The following EMC3 variants were observed in gnomAD, a reference collection of about 807,000 sequenced individuals.
The protein encoded by EMC3 is ER membrane protein complex subunit 3.
EMC3 carries 13 observed loss-of-function variants against 36.6 expected under a neutral mutation model. The observed-to-expected ratio is 0.35, with a 90% CI of 0.23 to 0.56. The LOEUF (loss-of-function observed/expected upper bound fraction) is 0.56, where lower values mean the gene tolerates loss of function less well. Among genes scored for constraint, EMC3 ranks in the 20% least tolerant of loss-of-function variants. EMC3 has a pLI of 0.84. For missense variants in EMC3, 220 were observed against 324.5 expected, an observed-to-expected ratio of 0.68 and a Z score of 2.47; for synonymous variants, 120 against 111.9, an observed-to-expected ratio of 1.07 and a Z score of -0.46.
intron 1 of EMC3, among the ~76,000 whole-genome samples, chr3:10,000,161 C>G (rs984134428): frequency 5.3e-5 from 8 of 152,116 alleles, no homozygotes; most frequent in African/African-American, 1.9e-4. Context: ...CTCTCAGCCT[C>G]CCAAGTAGCT....
upstream of EMC3, chr3:9,986,878 C>T (rs1191589429): frequency 7.4e-7 from 1 of 1,357,624 alleles, no homozygotes; most frequent in Non-Finnish European, 9.5e-7. Flanking sequence ...TGGCGCACCT[C>T]AGTGGCGTCA....
At chr3:9,987,301 C>T (rs2085988249), upstream of EMC3, 6 of 985,148 alleles carry the variant, frequency 6.1e-6, no homozygotes, top group Non-Finnish European at 7.2e-6. Context: ...TCTCTCGAGG[C>T]CCCGCTCCCC....
chr3:10,005,763 A>G (rs2124941966), intron 1 of EMC3, among the ~76,000 whole-genome samples: 1 of 152,326 alleles, frequency 6.6e-6, no homozygotes, highest in East Asian at 1.9e-4. Flanking sequence ...TTTCAGGCCA[A>G]GAACATCTCT....
intron 3 of EMC3, among the ~76,000 whole-genome samples, chr3:9,976,671 C>T (rs147699675): frequency 2.0e-5 from 3 of 152,272 alleles, no homozygotes; most frequent in Admixed American, 6.5e-5. Context: ...GTCCTGAGAA[C>T]AGCAATAAGG....
intron 1 of EMC3, chr3:9,981,747 T>C (rs1309127536): frequency 6.8e-6 from 3 of 444,102 alleles, no homozygotes; most frequent in Admixed American, 4.9e-5. Flanking sequence ...AAAGATATTT[T>C]CTTGGAATAA....
intron 5 of EMC3, among the ~76,000 whole-genome samples, chr3:9,970,946 G>A (rs528500516): frequency 2.0e-5 from 3 of 148,968 alleles, no homozygotes; most frequent in South Asian, 2.1e-4. Context: ...TTTTTGAGAC[G>A]GAGTCTCACC....
chr3:9,965,439 T>TAGAC (rs1266368913), intron 7 of EMC3, among the ~76,000 whole-genome samples: 2 of 151,906 alleles, frequency 1.3e-5, no homozygotes, highest in East Asian at 1.9e-4. Context: ...GATAGATAGA[T>TAGAC]AGATAGATAG....
At chr3:9,998,750 C>G (rs1220195055) in intron 1 of EMC3, among the ~76,000 whole-genome samples, 1 of 151,836 alleles carries the variant, frequency 6.6e-6, no homozygotes, top group Non-Finnish European at 1.5e-5. Context: ...AGTCCTTTAC[C>G]CATTTTTGTT....
chr3:9,979,900 G>A (rs1352964424), intron 1 of EMC3, among the ~76,000 whole-genome samples: 2 of 152,112 alleles, frequency 1.3e-5, no homozygotes, highest in African/African-American at 4.8e-5. Flanking sequence ...TGCCTCTGAG[G>A]ACCTGAGAAA....
intron 1 of EMC3, among the ~76,000 whole-genome samples, chr3:10,009,504 A>G (rs1395904240): frequency 6.6e-6 from 1 of 152,184 alleles, no homozygotes; most frequent in Non-Finnish European, 1.5e-5. Flanking sequence ...TTACTTTCCT[A>G]TAACCCGAGA....
chr3:10,008,117 T>C (rs1324644298), intron 1 of EMC3, among the ~76,000 whole-genome samples: 2 of 152,198 alleles, frequency 1.3e-5, no homozygotes, highest in African/African-American at 4.8e-5. Flanking sequence ...TGGGTTCTGC[T>C]TGAGCTCCCC....
At chr3:10,001,082 G>T (rs1575702613) in intron 1 of EMC3, 2 of 199,448 alleles carry the variant, frequency 1.0e-5, no homozygotes, top group South Asian at 1.7e-4. Context: ...CGAATCCAAG[G>T]TCATGAAGGT....
At chr3:9,973,788 G>A in intron 4 of EMC3, 79 bp from the exon 5 acceptor site, 1 of 1,338,108 alleles carries the variant, frequency 7.5e-7, no homozygotes, top group Non-Finnish European at 1.1e-6. Context: ...CAGAGGAGGT[G>A]GGAACTCTGT....
chr3:9,964,367 C>T (rs770333588), intron 7 of EMC3, among the ~76,000 whole-genome samples, 170 bp from the exon 8 acceptor site: 2 of 152,244 alleles, frequency 1.3e-5, no homozygotes, highest in African/African-American at 4.8e-5. Flanking sequence ...CTCTCCTCCC[C>T]CTCTTCCTGC....
At chr3:9,992,619 A>G (rs1210710936) in intron 1 of EMC3, among the ~76,000 whole-genome samples, 1 of 152,238 alleles carries the variant, frequency 6.6e-6, no homozygotes, top group Non-Finnish European at 1.5e-5. Context: ...AAGATGTTCA[A>G]AGTTACTTCT....
chr3:9,984,080 C>CTT (rs767592107), intron 1 of EMC3, among the ~76,000 whole-genome samples: 2 of 143,720 alleles, frequency 1.4e-5, no homozygotes, highest in African/African-American at 2.5e-5. Context: ...GGTAAATACA[C>CTT]TTTTTTTTTT....
At chr3:9,988,280 C>T (rs2124922854), upstream of EMC3, 1 of 666,064 alleles carries the variant, frequency 1.5e-6, no homozygotes, top group East Asian at 2.8e-5. Flanking sequence ...TCATTTACTC[C>T]AGGGTACATG....
At chr3:9,987,038 C>T (rs150094701), upstream of EMC3, 30 of 984,162 alleles carry the variant, frequency 3.0e-5, no homozygotes, top group Middle Eastern at 5.1e-4. Flanking sequence ...ACAGGTGAAA[C>T]CCTGTCTCTA....
At chr3:9,990,891 C>T (rs1201109559), upstream of EMC3, among the ~76,000 whole-genome samples, 2 of 151,890 alleles carry the variant, frequency 1.3e-5, no homozygotes, top group African/African-American at 2.4e-5. Context: ...TGCAGTGGCA[C>T]GATCTCGGCT....
Sources: gnomAD v4.1 joint callset for allele counts (sites outside exome capture counted in the v4.1 genomes callset) on GRCh38, gnomAD v4.1.1 for gene constraint, MANE v1.5 for transcripts, NCBI Gene and HGNC (gene_info 2026-07-23, HGNC 2026-07-21) for gene names.